SUFU: variants seen among roughly 807,000 people sequenced by gnomAD.
The protein encoded by SUFU is SUFU negative regulator of hedgehog signaling, also known as suppressor of fused homolog.
A neutral mutation model predicts 58.9 loss-of-function variants in SUFU; 7 were observed. The ratio of observed to expected loss-of-function variants is 0.12; its 90% CI spans 0.07 to 0.22. The LOEUF (loss-of-function observed/expected upper bound fraction) is 0.22. Ranked by LOEUF, SUFU falls within the 10% of genes least tolerant of loss-of-function variation. SUFU has a pLI of 1.00. For missense variants in SUFU, 451 were observed against 641.3 expected (o/e 0.70, Z 3.20); for synonymous variants, 232 against 254.8 (o/e 0.91, Z 0.85).
rs1047860456 is a variant in SUFU, at chr10:102,619,500, A to C, written c.1296+2072A>C. The C allele has an allele frequency of 2.6e-6, 3 of 1,144,032 alleles. No individual in the cohort carries two copies. The highest frequency in any genetic ancestry group is 3.2e-6 in the Non-Finnish European group (3 of 927,282). 70.9% of individuals were successfully genotyped at this position (1,144,032 alleles called of 1,614,324 possible). On this transcript the variant is annotated intron_variant, in intron 10 of 11. Coordinates refer to ENST00000369902, the MANE Select transcript of SUFU (RefSeq NM_016169.4). The surrounding 1 kb of genome is among the most constrained non-coding windows in gnomAD (Gnocchi z 4.2). ...TGTTATGGGCTCATTAGTGTGGTCC[A>C]CCACGGGGCCGGCTCACAGGAGAGC...
intron 2 of SUFU, among the ~76,000 whole-genome samples, chr10:102,529,448 G>T (rs1011503996): frequency 1.3e-5 from 2 of 152,180 alleles, no homozygotes; most frequent in Non-Finnish European, 2.9e-5. Flanking sequence ...GATAAATGAT[G>T]AGCAGAGTTT....
At position 102,619,911 on chromosome 10, in the gene SUFU, G is replaced by A. The variant is rs1460866109; in HGVS notation, c.1296+2483G>A. ...GTCGCCAGTGAGGGCCACTCCACTG[G>A]GCCAAGGAGAGCCATAGGTCCCTCA... On this transcript the variant is annotated intron_variant, in intron 10 of 11. Coordinates refer to ENST00000369902, the MANE Select transcript of SUFU (RefSeq NM_016169.4). This position sits in a 1 kb window ranked among gnomAD's most constrained non-coding sequence, Gnocchi z 4.2. Among the ~76,000 whole-genome samples the A allele has an allele frequency of 3.3e-5, 5 of 152,148 alleles. No individual in the cohort carries two copies. The highest frequency in any genetic ancestry group is 1.5e-5 in the Non-Finnish European group (1 of 68,026).
intron 8 of SUFU, among the ~76,000 whole-genome samples, chr10:102,613,523 G>A (rs2063648124): frequency 6.6e-6 from 1 of 152,240 alleles, no homozygotes; most frequent in African/African-American, 2.4e-5. Flanking sequence ...CTGGCTGCAG[G>A]CCCCAGCACC....
rs1317588413 is a variant in SUFU, at chr10:102,629,861, A to C, written c.1366-205A>C. ...TCCTCCAACCTGCCTCATTATTGACAGGCCGTGGGGAAAGAAGGGGTCACC... is the reference window on the plus strand; with the variant it reads ...TCCTCCAACCTGCCTCATTATTGACCGGCCGTGGGGAAAGAAGGGGTCACC... On this transcript the variant is annotated intron_variant, in intron 11 of 11. Transcript: ENST00000369902. This position sits in a 1 kb window ranked among gnomAD's most constrained non-coding sequence, Gnocchi z 4.7. 6.6e-6 allele frequency among the ~76,000 whole-genome samples: 1 copy of C among 152,210 alleles called. No individual in the cohort carries two copies. Among genetic ancestry groups the C allele is most frequent in the African/African-American group, 2.4e-5 (1 of 41,446 alleles).
chr10:102,624,187 G>A (rs978240259), intron 10 of SUFU, among the ~76,000 whole-genome samples: 4 of 152,188 alleles, frequency 2.6e-5, no homozygotes, highest in Non-Finnish European at 5.9e-5. Context: ...GCTCTGTAGG[G>A]ACCCAGTGAG....
rs76604874 is a variant in SUFU, at chr10:102,546,751, A to G, written c.318-3219A>G. On this transcript the variant is annotated intron_variant, in intron 2 of 11. Coordinates refer to ENST00000369902, the MANE Select transcript of SUFU (RefSeq NM_016169.4). ...TTATCCTGAGGCTGGGCCATTCCAA[A>G]CTCATGTTTCAGGGTTTAGAGGTTG... Among the ~76,000 whole-genome samples, 664 of 152,214 alleles carry G rather than the reference A, an allele frequency of 4.4e-3. 6 individuals carry two copies. Among genetic ancestry groups the G allele is most frequent in the African/African-American group, 0.015 (636 of 41,518 alleles).
Position 102,613,593 on chromosome 10 carries a change from C to T in SUFU, c.1023-1675C>T, listed in dbSNP as rs2063649143. 2.6e-5 allele frequency among the ~76,000 whole-genome samples: 4 copies of T among 152,254 alleles called. No homozygotes were observed. In the South Asian group the frequency reaches 8.3e-4, roughly 32 times the overall value. ...CCTCAGTGGCTGTCTGGCTGTCATC[C>T]TGGGTGGCTCCTGCCTGCCACTTGA... On this transcript the variant is annotated intron_variant, in intron 8 of 11. Transcript: ENST00000369902.
intron 2 of SUFU, among the ~76,000 whole-genome samples, chr10:102,512,359 G>A (rs2062410119): frequency 1.3e-5 from 2 of 152,310 alleles, no homozygotes; most frequent in Non-Finnish European, 1.5e-5. Flanking sequence ...AGTGCAGCTA[G>A]CCTGTACCTT....
chr10:102,565,256 A>C (rs1403291815), intron 3 of SUFU, among the ~76,000 whole-genome samples: 1 of 152,212 alleles, frequency 6.6e-6, no homozygotes, highest in Non-Finnish European at 1.5e-5. Flanking sequence ...TCGGCCGACA[A>C]CTGACTTAGA....
At chr10:102,608,288 C>T (rs1590075279) in intron 8 of SUFU, among the ~76,000 whole-genome samples, 1 of 151,964 alleles carries the variant, frequency 6.6e-6, no homozygotes, top group Non-Finnish European at 1.5e-5. Context: ...CAGTTGTCTC[C>T]GAGGAGGGGA....
intron 3 of SUFU, among the ~76,000 whole-genome samples, chr10:102,575,864 C>T (rs2135814930): frequency 6.6e-6 from 1 of 151,888 alleles, no homozygotes; most frequent in African/African-American, 2.4e-5. Context: ...TTTTTGGAAA[C>T]GGGGTCTCTG....
intron 8 of SUFU, among the ~76,000 whole-genome samples, chr10:102,601,606 G>A (rs1428828064): frequency 2.0e-5 from 3 of 152,200 alleles, no homozygotes. Context: ...AATTGGTTGA[G>A]AAATGGTTTC....
chr10:102,549,258 T>G (rs1438781781), intron 2 of SUFU, among the ~76,000 whole-genome samples: 1 of 152,224 alleles, frequency 6.6e-6, no homozygotes, highest in Non-Finnish European at 1.5e-5. Flanking sequence ...TAGGTTTAAT[T>G]GACTCACAGT....
chr10:102,555,290 A>T (rs969376147), intron 3 of SUFU, among the ~76,000 whole-genome samples: 16 of 129,546 alleles, frequency 1.2e-4, no homozygotes, highest in African/African-American at 4.5e-4. Context: ...AAAAAAAAAA[A>T]CTTTATATGG....
chr10:102,545,730 T>C (rs1418951547), intron 2 of SUFU, among the ~76,000 whole-genome samples: 2 of 152,150 alleles, frequency 1.3e-5, no homozygotes, highest in African/African-American at 2.4e-5. Flanking sequence ...TCCCAGCACT[T>C]TGAGAGGTAG....
At chr10:102,549,176 C>T (rs1244138235) in intron 2 of SUFU, among the ~76,000 whole-genome samples, 1 of 152,174 alleles carries the variant, frequency 6.6e-6, no homozygotes, top group Non-Finnish European at 1.5e-5. Flanking sequence ...GTCTCATCCT[C>T]ACAGAGTGTA....
intron 2 of SUFU, among the ~76,000 whole-genome samples, chr10:102,526,171 G>A (rs1371458952): frequency 6.6e-6 from 1 of 152,148 alleles, no homozygotes; most frequent in Non-Finnish European, 1.5e-5. Context: ...AAACTCCTGT[G>A]CTGATCAGTA....
intron 3 of SUFU, among the ~76,000 whole-genome samples, chr10:102,559,810 A>G (rs2063017287): frequency 6.6e-6 from 1 of 152,216 alleles, no homozygotes; most frequent in Admixed American, 6.5e-5. Context: ...TGCCATTGGT[A>G]GGCTTTAACC....
At chr10:102,526,603 T>C (rs567309786) in intron 2 of SUFU, among the ~76,000 whole-genome samples, 2 of 152,208 alleles carry the variant, frequency 1.3e-5, no homozygotes, top group East Asian at 3.9e-4. Context: ...GGAGCTTACA[T>C]GGGTAGAAGT....
Sources: gnomAD v4.1 joint callset for allele counts (sites outside exome capture counted in the v4.1 genomes callset) on GRCh38, gnomAD v4.1.1 for gene constraint, Gnocchi (gnomAD v3.1) non-coding constraint, MANE v1.5 for transcripts, NCBI Gene and HGNC (gene_info 2026-07-23, HGNC 2026-07-21) for gene names.